Variants in ASXL1 observed in about 807,000 individuals in gnomAD.
ASXL1 encodes the protein polycomb group protein ASXL1.
Under a neutral mutation model 89.1 loss-of-function variants are expected in ASXL1, and 65 were observed. The ratio of observed to expected loss-of-function variants is 0.73; its 90% CI spans 0.60 to 0.90. The LOEUF is 0.90. ASXL1 is among the 40% of genes least tolerant of loss of function. The pLI, the probability that ASXL1 is intolerant of heterozygous loss-of-function variation, is 0.00. For synonymous variants in ASXL1, 739 were observed against 746.9 expected (o/e 0.99, Z 0.17); for missense variants, 1,786 against 1,942.9 (o/e 0.92, Z 1.52).
At chr20:32,404,436 C>T (rs1347226609) in intron 4 of ASXL1, among the ~76,000 whole-genome samples, 1 of 151,968 alleles carries the variant, frequency 6.6e-6, no homozygotes, top group Non-Finnish European at 1.5e-5. Flanking sequence ...ATTTTTGTTT[C>T]TAATTGCTGA....
At chr20:32,358,856 C>T (rs2122755300) in intron 1 of ASXL1, 24 bp downstream of exon 1, 2 of 1,496,832 alleles carry the variant, frequency 1.3e-6, no homozygotes, top group East Asian at 2.8e-5. Flanking sequence ...CCGAGGGGGG[C>T]TCCGTGGGGC....
chr20:32,402,501 A>T (rs1452686808), intron 4 of ASXL1, among the ~76,000 whole-genome samples: 2 of 152,256 alleles, frequency 1.3e-5, no homozygotes, highest in African/African-American at 4.8e-5. Flanking sequence ...GGGTCGTATG[A>T]TACATGTATA....
intron 4 of ASXL1, among the ~76,000 whole-genome samples, chr20:32,418,428 A>G (rs1426386751): frequency 1.3e-5 from 2 of 152,188 alleles, no homozygotes; most frequent in African/African-American, 2.4e-5. Flanking sequence ...TTTGTAAGCC[A>G]TTGTTTACCT....
chr20:32,437,094 C>T lies in ASXL1; in HGVS notation c.4382C>T (p.Pro1461Leu), dbSNP rs765236014. ...STSFNYSSSS[P>L]TFPKGLAGSV... Reference sequence around the variant, plus strand: ...AGCTTTAATTATTCCTCTAGCTCTCCCACCTTTCCCAAAGGCCTTGCTGGA... The same window carrying T: ...AGCTTTAATTATTCCTCTAGCTCTCTCACCTTTCCCAAAGGCCTTGCTGGA... The change falls in exon 13 of 13, where the codon CCC becomes CTC. Residue 1461 changes from proline to leucine, a missense_variant. Around this residue, in one of 3 missense-constraint regions of ASXL1, gnomAD observed 1,418 missense variants for 1,427.8 expected, o/e 0.99. Transcript: ENST00000375687. The T allele has an allele frequency of 1.5e-5, 25 of 1,614,094 alleles. 1 individual carries two copies. Among genetic ancestry groups the T allele is most frequent in the Admixed American group, 1.2e-4 (7 of 60,010 alleles).
intron 4 of ASXL1, among the ~76,000 whole-genome samples, chr20:32,421,866 C>CTTTTCT: frequency 9.5e-6 from 1 of 105,276 alleles, no homozygotes; most frequent in East Asian, 2.9e-4. Context: ...GGTTTCTTTT[C>CTTTTCT]TTTTTTTTTT....
Position 32,428,365 on chromosome 20 carries a change from A to G in ASXL1, c.414A>G (p.Thr138=), listed in dbSNP as rs895955029. The G allele has an allele frequency of 6.2e-7, 1 of 1,614,070 alleles. No individual in the cohort carries two copies. The change falls in exon 6 of 13, where the codon ACA becomes ACG. Residue 138 remains threonine, a synonymous_variant. Transcript: ENST00000375687. ...CATCTTCGAACGCATCCTGTTCTACAGAATCTCAGAGTCGACCTCTTTCCA... is the reference window on the plus strand; with the variant it reads ...CATCTTCGAACGCATCCTGTTCTACGGAATCTCAGAGTCGACCTCTTTCCA... The part of the protein sequence containing the change: ...DETSSNASCS[T]ESQSRPLSNP...
In ASXL1 at chr20:32,401,437, T is replaced by G. The variant is rs7275029; in HGVS notation, c.253-26691T>G. ...TAATTTTATCTTTCTCAGAATGTCA[T>G]AATACAGTAGTCCCCGTTATCTGTG... is the stretch of plus-strand genomic sequence containing the variant. On this transcript the variant is annotated intron_variant, in intron 4 of 12. Transcript: ENST00000375687. Among the ~76,000 whole-genome samples, 1,453 of 152,246 alleles carry G rather than the reference T, an allele frequency of 9.5e-3. 28 individuals are homozygous for G. Among genetic ancestry groups the G allele is most frequent in the African/African-American group, 0.033 (1,368 of 41,526 alleles).
In ASXL1 at chr20:32,434,642, G is replaced by A. The variant is rs533988689; in HGVS notation, c.1930G>A (p.Gly644Arg). ...REAATTAIGG[G>R]GGPGGGGGGA... Reference sequence around the variant, plus strand: ...GGCGGCCACCACTGCCATCGGAGGGGGGGGTGGCCCGGGTGGAGGTGGCGG... The same window carrying A: ...GGCGGCCACCACTGCCATCGGAGGGAGGGGTGGCCCGGGTGGAGGTGGCGG... Residue 644 changes from glycine (G) to arginine (R), a missense_variant, in exon 13 of 13, where the codon GGG becomes AGG. Around this residue, in one of 3 missense-constraint regions of ASXL1, gnomAD observed 1,418 missense variants for 1,427.8 expected, o/e 0.99. Transcript: ENST00000375687. 1.2e-6 allele frequency: 2 copies of A among 1,607,392 alleles called. No individual in the cohort carries two copies. The highest frequency in any genetic ancestry group is 2.2e-5 in the East Asian group (1 of 44,518).
chr20:32,434,863 G>T lies in ASXL1; in HGVS notation c.2151G>T (p.Arg717Ser). 1 of 1,614,176 alleles carries T rather than the reference G, an allele frequency of 6.2e-7. No individual in the cohort carries two copies. The highest frequency in any genetic ancestry group is 8.5e-7 in the Non-Finnish European group (1 of 1,180,024). Reference sequence around the variant, plus strand: ...CCGGAACTGCCATGTCCAGAGCTAGGAGAGAGGACCTGCCTTCTCTGAGAA... The same window carrying T: ...CCGGAACTGCCATGTCCAGAGCTAGTAGAGAGGACCTGCCTTCTCTGAGAA... ...TQAGTAMSRARREDLPSLRKE... is the reference protein window; with the variant it reads ...TQAGTAMSRASREDLPSLRKE... The change falls in exon 13 of 13, where the codon AGG (arginine) becomes AGT (serine). Residue 717 changes from arginine (R) to serine (S), a missense_variant. Transcript: ENST00000375687.
chr20:32,422,350 G>A (rs1009041127), intron 4 of ASXL1, among the ~76,000 whole-genome samples: 1 of 149,844 alleles, frequency 6.7e-6, no homozygotes, highest in African/African-American at 2.5e-5. Context: ...AAAAAATAGG[G>A]GAAGGATAGG....
intron 4 of ASXL1, among the ~76,000 whole-genome samples, chr20:32,379,592 G>A (rs1424870556): frequency 6.6e-6 from 1 of 151,720 alleles, no homozygotes; most frequent in Non-Finnish European, 1.5e-5. Context: ...TTGGGAGGCT[G>A]AGGTGTGTGG....
chr20:32,419,868 C>T (rs939165991), intron 4 of ASXL1, among the ~76,000 whole-genome samples: 5 of 151,856 alleles, frequency 3.3e-5, no homozygotes, highest in Non-Finnish European at 5.9e-5. Context: ...TTACTAGAGT[C>T]AGGGTTTCAC....
At chr20:32,423,255 A>G (rs1420568470) in intron 4 of ASXL1, among the ~76,000 whole-genome samples, 2 of 151,674 alleles carry the variant, frequency 1.3e-5, no homozygotes, top group African/African-American at 4.8e-5. Context: ...TTTTTGAGAC[A>G]GTCTCACTCT....
intron 4 of ASXL1, among the ~76,000 whole-genome samples, chr20:32,420,361 G>GT (rs1020380982): frequency 6.6e-6 from 1 of 152,056 alleles, no homozygotes; most frequent in African/African-American, 2.4e-5. Flanking sequence ...ATCTTGGGCA[G>GT]TTTAAACTTT....
In ASXL1 at chr20:32,429,200, T is replaced by C; in HGVS notation, c.472-138T>C. On this transcript the variant is annotated intron_variant, in intron 6 of 12. Coordinates refer to ENST00000375687, the MANE Select transcript of ASXL1 (RefSeq NM_015338.6). The surrounding 1 kb of genome is among the most constrained non-coding windows in gnomAD (Gnocchi z 4.9). Reference sequence around the variant, plus strand: ...AGCTCAGTAACATTAACCAGTGCTCTTGTCAGCATTATTTGACAGATCTGG... The same window carrying C: ...AGCTCAGTAACATTAACCAGTGCTCCTGTCAGCATTATTTGACAGATCTGG... 1 of 838,922 alleles carries C rather than the reference T, an allele frequency of 1.2e-6. No individual in the cohort carries two copies. Among genetic ancestry groups the C allele is most frequent in the South Asian group, 1.4e-5 (1 of 68,976 alleles). 52.0% of individuals were successfully genotyped at this position (838,922 alleles called of 1,614,324 possible).
At chr20:32,379,132 C>T (rs963606981) in intron 4 of ASXL1, among the ~76,000 whole-genome samples, 10 of 139,252 alleles carry the variant, frequency 7.2e-5, no homozygotes. Context: ...ATGGTGATTC[C>T]AGCACTCACT....
chr20:32,374,372 CA>C (rs1371941952), intron 4 of ASXL1, among the ~76,000 whole-genome samples: 9 of 152,196 alleles, frequency 5.9e-5, no homozygotes, highest in Non-Finnish European at 1.2e-4. Context: ...TAGCTCACTA[CA>C]ACCTTGAGCG....
chr20:32,396,082 A>G (rs1186047040), intron 4 of ASXL1, among the ~76,000 whole-genome samples: 2 of 152,188 alleles, frequency 1.3e-5, no homozygotes, highest in Non-Finnish European at 2.9e-5. Context: ...TACAGGAATG[A>G]GCGACCACAC....
intron 1 of ASXL1, 157 bp downstream of exon 1, chr20:32,358,989 G>T (rs775600332): frequency 5.0e-5 from 41 of 812,350 alleles, no homozygotes; most frequent in Non-Finnish European, 6.8e-5. Context: ...AAGGCGAGGG[G>T]TGGGGAGCGC....
Sources: gnomAD v4.1 joint callset for allele counts (sites outside exome capture counted in the v4.1 genomes callset) on GRCh38, gnomAD v4.1.1 for gene constraint, gnomAD v4.1.1 regional missense constraint, Gnocchi (gnomAD v3.1) non-coding constraint, MANE v1.5 for transcripts, NCBI Gene and HGNC (gene_info 2026-07-23, HGNC 2026-07-21) for gene names.